The following DZIP1L variants were observed in gnomAD, a reference collection of about 807,000 sequenced individuals.
DZIP1L encodes cilium assembly protein DZIP1L.
Under a neutral mutation model 88.7 loss-of-function variants are expected in DZIP1L, and 90 were observed. That is an observed-to-expected ratio of 1.02 (90% CI 0.86 to 1.21). The LOEUF (loss-of-function observed/expected upper bound fraction) is 1.21, where lower values mean the gene tolerates loss of function less well. Among genes scored for constraint, DZIP1L ranks in the 50% most tolerant of loss-of-function variants. DZIP1L has a pLI of 0.00. For synonymous variants in DZIP1L, 363 were observed against 372.1 expected (o/e 0.98, Z 0.28); for missense variants, 932 against 955.8 (o/e 0.98, Z 0.33).
chr3:138,062,752 T>C lies in DZIP1L; in HGVS notation c.*64A>G. 6.4e-7 allele frequency: 1 copy of C among 1,569,802 alleles called. No homozygotes were observed. The highest frequency in any genetic ancestry group is 8.7e-7 in the Non-Finnish European group (1 of 1,145,954). On this transcript the variant is annotated 3_prime_UTR_variant, in exon 16 of 16. Coordinates refer to ENST00000327532, the MANE Select transcript of DZIP1L (RefSeq NM_173543.3). ...ACAAGAGGCCCAGCAGCCTCTTCTG[T>C]TGAAGTGGACCTGAGCTGGCCCCAG... is the stretch of plus-strand genomic sequence containing the variant.
Position 138,080,617 on chromosome 3 carries a change from A to T in DZIP1L, c.1238T>A (p.Ile413Asn), listed in dbSNP as rs199856777. The T allele has an allele frequency of 1.1e-4, 183 of 1,613,262 alleles. No homozygotes were observed. Among genetic ancestry groups the T allele is most frequent in the Admixed American group, 3.2e-4 (19 of 60,004 alleles). The change falls in exon 10 of 16, where the codon ATC becomes AAC. Residue 413 changes from isoleucine to asparagine, a missense_variant. Ile to Asn is a moderately radical substitution (Grantham distance 149). Coordinates refer to ENST00000327532, the MANE Select transcript of DZIP1L (RefSeq NM_173543.3). ...GTCCACAGCCTTTGGCACCTTGTGGATCCCTGAAGAGAGGAGGAACAGTTA... is the reference window on the plus strand; with the variant it reads ...GTCCACAGCCTTTGGCACCTTGTGGTTCCCTGAAGAGAGGAGGAACAGTTA... ...QSLSLRKVEG[I>N]HKVPKAVDTE...
chr3:138,088,713 A>G, intron 5 of DZIP1L: 1 of 1,241,530 alleles, frequency 8.1e-7, no homozygotes, highest in Non-Finnish European at 1.0e-6. Context: ...CTTGCATAGA[A>G]AAAGCAATTC....
At chr3:138,098,634 C>T (rs547309828) in intron 2 of DZIP1L, among the ~76,000 whole-genome samples, 164 of 152,274 alleles carry the variant, frequency 1.1e-3, no homozygotes, top group African/African-American at 3.8e-3. Context: ...CCCCCAATAC[C>T]CATTTTCCCT....
intron 2 of DZIP1L, chr3:138,102,742 C>T: frequency 1.3e-6 from 1 of 788,134 alleles, no homozygotes. Context: ...GCCTCCCATG[C>T]CACTGGCCCC....
intron 1 of DZIP1L, among the ~76,000 whole-genome samples, chr3:138,107,330 G>A (rs1423340992): frequency 6.6e-6 from 1 of 152,164 alleles, no homozygotes; most frequent in Non-Finnish European, 1.5e-5. Context: ...CTGATGAAAG[G>A]AGGAATTCAG....
intron 1 of DZIP1L, among the ~76,000 whole-genome samples, chr3:138,108,713 A>G (rs1459727522): frequency 6.6e-6 from 1 of 152,132 alleles, no homozygotes; most frequent in Non-Finnish European, 1.5e-5. Context: ...CAACCATTCC[A>G]TACTGATAAT....
At chr3:138,082,482 A>T (rs1943708799) in intron 8 of DZIP1L, among the ~76,000 whole-genome samples, 1 of 152,358 alleles carries the variant, frequency 6.6e-6, no homozygotes, top group South Asian at 2.1e-4. Flanking sequence ...AAAGGAAAAA[A>T]TAAAGCAGTT....
At chr3:138,064,862 G>A (rs1445260941) in intron 14 of DZIP1L, 95 bp from the exon 15 acceptor site, 2 of 1,497,672 alleles carry the variant, frequency 1.3e-6, no homozygotes, top group African/African-American at 2.8e-5. Context: ...TGTGGATAGA[G>A]GGAATGAGCA....
chr3:138,084,693 GGTGTT>G, intron 7 of DZIP1L, among the ~76,000 whole-genome samples: 1 of 152,326 alleles, frequency 6.6e-6, no homozygotes, highest in Admixed American at 6.5e-5. Context: ...CTGAGCAGTA[GGTGTT>G]GGAGACAGGT....
chr3:138,086,939 G>A (rs1025561763), intron 7 of DZIP1L, 22 bp downstream of exon 7: 13 of 1,612,858 alleles, frequency 8.1e-6, no homozygotes, highest in South Asian at 5.5e-5. Flanking sequence ...CAAGCTCCCC[G>A]AGATCACCCA....
rs751169623 is a variant in DZIP1L at position 138,088,497 on chromosome 3, G to A, written c.881C>T (p.Ala294Val). The change falls in exon 6 of 16, where the codon GCA (alanine) becomes GTA (valine). Residue 294 changes from alanine (A) to valine (V), a missense_variant. Physicochemically the swap from Ala to Val is moderately conservative, Grantham distance 64. Coordinates refer to ENST00000327532, the MANE Select transcript of DZIP1L (RefSeq NM_173543.3). Reference protein sequence around the residue: ...QNSTLEEKLRALQSHSVMESK... With the variant: ...QNSTLEEKLRVLQSHSVMESK... The stretch of plus-strand genomic sequence containing the variant: ...CTCCATCACACTGTGGGACTGCAGT[G>A]CCCGCAGTTTCTGAAAAGGCCAGGG... 1 of 1,613,078 alleles carries A rather than the reference G, an allele frequency of 6.2e-7. No individual in the cohort carries two copies. Among genetic ancestry groups the A allele is most frequent in the East Asian group, 2.2e-5 (1 of 44,838 alleles).
rs984860413 is a variant in DZIP1L, at chr3:138,106,101, C to T, written c.-81-2049G>A. Among the ~76,000 whole-genome samples, 14 of 134,858 alleles carry T rather than the reference C, an allele frequency of 1.0e-4. No individual in the cohort carries two copies. The East Asian group carries it at 1.4e-3, about 14-fold the overall frequency. 88.5% of individuals were successfully genotyped at this position (134,858 alleles called of 152,430 possible). On this transcript the variant is annotated intron_variant, in intron 1 of 15. Transcript: ENST00000327532. ...CTTTACCCTATTTAATCAAGTCTTT[C>T]GAGATTACATGATTCAGTCTTCTTT...
In DZIP1L at chr3:138,063,172, G is replaced by A. The variant is rs756584453; in HGVS notation, c.2143-195C>T. Among the ~76,000 whole-genome samples the A allele has an allele frequency of 1.3e-5, 2 of 152,104 alleles. No individual in the cohort carries two copies. The highest frequency in any genetic ancestry group is 4.8e-5 in the African/African-American group (2 of 41,414). Reference sequence around the variant, plus strand: ...TTTGAGAACCTGCTTTAGTGACCTGGGATCAGGGTGATTTCAAATACCCCT... The same window carrying A: ...TTTGAGAACCTGCTTTAGTGACCTGAGATCAGGGTGATTTCAAATACCCCT... On this transcript the variant is annotated intron_variant, in intron 15 of 15. Coordinates refer to ENST00000327532, the MANE Select transcript of DZIP1L (RefSeq NM_173543.3). This position sits in a 1 kb window ranked among gnomAD's most constrained non-coding sequence, Gnocchi z 4.1.
intron 2 of DZIP1L, among the ~76,000 whole-genome samples, chr3:138,098,190 A>G (rs111524676): frequency 2.0e-5 from 3 of 152,320 alleles, no homozygotes; most frequent in African/African-American, 7.2e-5. Flanking sequence ...AAATACTACA[A>G]ATAAAATCAT....
In DZIP1L at chr3:138,086,212, C is replaced by T. The variant is rs933385751; in HGVS notation, c.1062+749G>A. Among the ~76,000 whole-genome samples, 24 of 150,256 alleles carry T rather than the reference C, an allele frequency of 1.6e-4. No homozygotes were observed. In the South Asian group the frequency reaches 1.7e-3, roughly 11 times the overall value. ...GCATGGCACATGTATACATATGTAACTAACCTGCACATTGTGCACATGTAC... is the reference window on the plus strand; with the variant it reads ...GCATGGCACATGTATACATATGTAATTAACCTGCACATTGTGCACATGTAC... On this transcript the variant is annotated intron_variant, in intron 7 of 15. Coordinates refer to ENST00000327532, the MANE Select transcript of DZIP1L (RefSeq NM_173543.3).
At chr3:138,092,693 A>G (rs1254551493) in intron 4 of DZIP1L, 149 bp from the exon 5 acceptor site, 1 of 734,852 alleles carries the variant, frequency 1.4e-6, no homozygotes. Flanking sequence ...TGGACTTGGG[A>G]GGACCAGTCT....
At chr3:138,067,825 C>T in intron 13 of DZIP1L, 125 bp from the exon 14 acceptor site, 1 of 1,155,500 alleles carries the variant, frequency 8.7e-7, no homozygotes, top group Non-Finnish European at 1.2e-6. Flanking sequence ...TCCCTCAGGC[C>T]CAGAAGACAG....
At chr3:138,106,020 C>A (rs548714321) in intron 1 of DZIP1L, among the ~76,000 whole-genome samples, 81 of 147,446 alleles carry the variant, frequency 5.5e-4, no homozygotes, top group African/African-American at 1.9e-3. Context: ...TAAAATAAAA[C>A]ATAGAATTTC....
chr3:138,101,860 C>T (rs2042326995), intron 2 of DZIP1L: 2 of 1,366,280 alleles, frequency 1.5e-6, no homozygotes, highest in East Asian at 4.6e-5. Flanking sequence ...CTGCAGGGCG[C>T]CCTCCAGCTC....
Sources: gnomAD v4.1 joint callset for allele counts (sites outside exome capture counted in the v4.1 genomes callset) on GRCh38, gnomAD v4.1.1 for gene constraint, Gnocchi (gnomAD v3.1) non-coding constraint, MANE v1.5 for transcripts, NCBI Gene and HGNC (gene_info 2026-07-23, HGNC 2026-07-21) for gene names.